CHN1: variants seen among roughly 807,000 people sequenced by gnomAD.
The protein encoded by CHN1 is chimerin 1.
Under a neutral mutation model 59.5 loss-of-function variants are expected in CHN1, and 37 were observed. The ratio of observed to expected loss-of-function variants is 0.62; its 90% CI spans 0.48 to 0.82. CHN1 has a LOEUF of 0.82. CHN1 is among the 40% of genes least tolerant of loss of function. The probability of loss-of-function intolerance (pLI) is 0.00; values close to 1 mark genes in which losing one functional copy is unlikely to be tolerated. For synonymous variants in CHN1, 206 were observed against 200.4 expected, an observed-to-expected ratio of 1.03 and a Z score of -0.24; for missense variants, 469 against 571.0, an observed-to-expected ratio of 0.82 and a Z score of 1.82.
intron 6 of CHN1, among the ~76,000 whole-genome samples, chr2:174,850,125 T>C (rs1686681686): frequency 6.6e-6 from 1 of 152,196 alleles, no homozygotes; most frequent in Admixed American, 6.5e-5. Context: ...GCTTTGATAA[T>C]CTGCACCAAT....
At chr2:175,002,500 C>T (rs1691923480) in intron 1 of CHN1, among the ~76,000 whole-genome samples, 1 of 152,182 alleles carries the variant, frequency 6.6e-6, no homozygotes, top group Non-Finnish European at 1.5e-5. Context: ...AATACAAAAT[C>T]AGGTAATGTT....
intron 1 of CHN1, among the ~76,000 whole-genome samples, chr2:174,983,054 T>C (rs1574241431): frequency 6.6e-6 from 1 of 152,066 alleles, no homozygotes; most frequent in Non-Finnish European, 1.5e-5. Context: ...GATGTCAGGA[T>C]AGTGATAAAC....
At chr2:174,828,728 G>T (rs923143812) in intron 7 of CHN1, among the ~76,000 whole-genome samples, 1 of 152,174 alleles carries the variant, frequency 6.6e-6, no homozygotes, top group African/African-American at 2.4e-5. Flanking sequence ...TGTGTTGCAG[G>T]ATGCTAAGGA....
chr2:174,922,347 C>T (rs1052381024), intron 3 of CHN1, among the ~76,000 whole-genome samples: 1 of 152,152 alleles, frequency 6.6e-6, no homozygotes, highest in Non-Finnish European at 1.5e-5. Context: ...CACATGTACA[C>T]ATGAAAACAT....
intron 7 of CHN1, chr2:174,846,205 A>G: frequency 7.2e-7 from 1 of 1,386,172 alleles, no homozygotes; most frequent in South Asian, 1.6e-5. Context: ...ATAAATACAG[A>G]CTAGATCTAC....
At position 174,899,254 on chromosome 2, in the gene CHN1, C is replaced by CAGTAT. The variant is rs541830051; in HGVS notation, c.260+15799_260+15803dup. Among the ~76,000 whole-genome samples, 58 of 152,268 alleles carry CAGTAT rather than the reference C, an allele frequency of 3.8e-4. No individual in the cohort carries two copies. The South Asian group carries it at 0.011, about 30-fold the overall frequency. On this transcript the variant is annotated intron_variant, in intron 5 of 12. Transcript: ENST00000409900. ...GATACATATGAATTAGAAAGAGTCA[C>CAGTAT]AGTATAGGTAAGTTTAAAAATCAGC...
At chr2:174,954,291 A>T (rs1262138964) in intron 1 of CHN1, among the ~76,000 whole-genome samples, 1 of 152,150 alleles carries the variant, frequency 6.6e-6, no homozygotes, top group Non-Finnish European at 1.5e-5. Flanking sequence ...ACAAAAATCA[A>T]CTCAAGATGG....
At chr2:174,860,116 T>C (rs1458304704) in intron 6 of CHN1, among the ~76,000 whole-genome samples, 1 of 152,188 alleles carries the variant, frequency 6.6e-6, no homozygotes, top group East Asian at 1.9e-4. Context: ...TGCACTGGCT[T>C]TTCCTGATCT....
intron 7 of CHN1, among the ~76,000 whole-genome samples, chr2:174,832,508 TTTC>T (rs1388483227): frequency 7.2e-5 from 11 of 152,128 alleles, no homozygotes; most frequent in South Asian, 2.1e-4. Flanking sequence ...ATGTTTTATT[TTTC>T]TTTTCAATCA....
chr2:174,967,780 G>T (rs945595228), intron 1 of CHN1, among the ~76,000 whole-genome samples: 5 of 152,100 alleles, frequency 3.3e-5, no homozygotes, highest in Admixed American at 6.5e-5. Flanking sequence ...TTTCTTAAAA[G>T]AAAAATTGCA....
chr2:174,809,444 A>G (rs1574039969), intron 10 of CHN1, among the ~76,000 whole-genome samples: 3 of 152,170 alleles, frequency 2.0e-5, no homozygotes, highest in African/African-American at 7.2e-5. Context: ...TAAATGTTCT[A>G]AAGAACATGG....
At chr2:174,808,858 C>A in intron 11 of CHN1, 47 bp downstream of exon 11, 1 of 1,600,780 alleles carries the variant, frequency 6.2e-7, no homozygotes, top group South Asian at 1.1e-5. Context: ...AGGTGATTAC[C>A]AAGAGGACGT....
At chr2:174,831,210 A>G (rs556170720) in intron 7 of CHN1, among the ~76,000 whole-genome samples, 2 of 152,374 alleles carry the variant, frequency 1.3e-5, no homozygotes, top group East Asian at 3.9e-4. Context: ...AATTATTCTC[A>G]TAAAAATACA....
chr2:174,856,857 G>C (rs1037581812), intron 6 of CHN1, among the ~76,000 whole-genome samples: 1 of 152,168 alleles, frequency 6.6e-6, no homozygotes, highest in African/African-American at 2.4e-5. Context: ...GGAAAGGCCT[G>C]CTGGCTGTAT....
At chr2:175,003,171 A>G (rs1181637821) in intron 1 of CHN1, among the ~76,000 whole-genome samples, 1 of 152,214 alleles carries the variant, frequency 6.6e-6, no homozygotes, top group Non-Finnish European at 1.5e-5. Context: ...CTGCTCTATC[A>G]CTACTTAACA....
intron 1 of CHN1, among the ~76,000 whole-genome samples, chr2:174,953,313 CCA>C (rs1690085466): frequency 6.6e-6 from 1 of 152,044 alleles, no homozygotes; most frequent in Admixed American, 6.6e-5. Context: ...TTATCATAAA[CCA>C]CACAAATACT....
rs527779661 is a variant in CHN1 at position 174,802,501 on chromosome 2, A to T, written c.1103-689T>A. ...CTTCCAAATGTTTTGCCTGATGGCG[A>T]GAGCCCTGAAATAAATGTGACTCTT... is the stretch of plus-strand genomic sequence containing the variant. On this transcript the variant is annotated intron_variant, in intron 11 of 12. Coordinates refer to ENST00000409900, the MANE Select transcript of CHN1 (RefSeq NM_001822.7). Among the ~76,000 whole-genome samples, 3 of 152,374 alleles carry T rather than the reference A, an allele frequency of 2.0e-5. No homozygotes were observed. In the South Asian group the frequency reaches 6.2e-4, roughly 32 times the overall value.
chr2:174,985,208 A>T (rs1393142241), intron 1 of CHN1, among the ~76,000 whole-genome samples: 1 of 152,198 alleles, frequency 6.6e-6, no homozygotes, highest in Non-Finnish European at 1.5e-5. Context: ...ATTATTGACA[A>T]GATTTCAGAA....
At position 174,824,486 on chromosome 2, in the gene CHN1, T is replaced by C. The variant is rs1685615321; in HGVS notation, c.660A>G (p.Glu220=). ...GACCCCACATAAAGTTGGCACAGTA[T>C]TCACACCAGTGTGGCCCTCTGAATG... ...VHTFRGPHWC[E]YCANFMWGLI... Residue 220 remains glutamate (E), a synonymous_variant, in exon 8 of 13, where the codon GAA becomes GAG. Transcript: ENST00000409900. 2 of 1,605,706 alleles carry C rather than the reference T, an allele frequency of 1.2e-6. No homozygotes were observed. The highest frequency in any genetic ancestry group is 8.5e-7 in the Non-Finnish European group (1 of 1,176,554).
Sources: allele counts gnomAD v4.1 joint callset (sites outside exome capture counted in the v4.1 genomes callset), GRCh38; gene constraint gnomAD v4.1.1; transcripts MANE v1.5; gene names NCBI Gene and HGNC (gene_info 2026-07-23, HGNC 2026-07-21).